Variants in RABEP1 observed in about 807,000 individuals in gnomAD.
The protein encoded by RABEP1 is rabaptin, RAB GTPase binding effector protein 1.
A neutral mutation model predicts 123.4 loss-of-function variants in RABEP1; 51 were observed. The observed-to-expected ratio is 0.41, with a 90% confidence interval of 0.33 to 0.52. The LOEUF (loss-of-function observed/expected upper bound fraction) is 0.52. RABEP1 is among the 20% of genes least tolerant of loss of function. RABEP1 has a pLI of 0.16. For missense variants in RABEP1, 888 were observed against 996.3 expected (o/e 0.89, Z 1.46); for synonymous variants, 347 against 355.2 (o/e 0.98, Z 0.26).
In RABEP1 at chr17:5,323,692, C is replaced by A. The variant is rs780229202; in HGVS notation, c.164-8257C>A. On this transcript the variant is annotated intron_variant, in intron 2 of 17. Transcript: ENST00000537505. ...TTTCATTGGTGATATATATATATAT[C>A]TCTCTCTAGGAATATATATATATAT... 1.9e-3 allele frequency among the ~76,000 whole-genome samples: 134 copies of A among 71,902 alleles called. 3 individuals carry two copies. The highest frequency in any genetic ancestry group is 6.0e-3 in the African/African-American group (75 of 12,420). The allele number at this position is 71,902 out of a possible 152,430, so 47.2% of individuals were successfully genotyped here.
intron 13 of RABEP1, among the ~76,000 whole-genome samples, chr17:5,375,099 CTT>C (rs529411322): frequency 6.4e-5 from 8 of 125,816 alleles, no homozygotes; most frequent in Non-Finnish European, 8.7e-5. Flanking sequence ...ATACCTGTTT[CTT>C]TTTTTTTTTT....
intron 14 of RABEP1, among the ~76,000 whole-genome samples, chr17:5,377,520 A>ATTTTTTTTTT (rs960634048): frequency 1.0e-5 from 1 of 99,822 alleles, no homozygotes; most frequent in African/African-American, 4.1e-5. Context: ...TATTTAAAAA[A>ATTTTTTTTTT]TTTTTTTTTT....
rs1338465550 is a variant in RABEP1, at chr17:5,282,583, G to T, written c.34+63G>T. 1.3e-5 allele frequency: 14 copies of T among 1,083,344 alleles called. No homozygotes were observed. The East Asian group carries it at 5.6e-4, about 43-fold the overall frequency. The allele number at this position is 1,083,344 out of a possible 1,614,324, so 67.1% of individuals were successfully genotyped here. On this transcript the variant is annotated intron_variant, in intron 1 of 17. Transcript: ENST00000537505. ...CTGCCCGGCGTCGGCGTCGCGGGAG[G>T]ATTTCGGGGCGGGCAGGCGGCGGCA...
chr17:5,325,732 C>T (rs543467298), intron 2 of RABEP1, among the ~76,000 whole-genome samples: 41 of 148,722 alleles, frequency 2.8e-4, no homozygotes, highest in South Asian at 8.5e-4. Context: ...AAAAAAAAAC[C>T]GACAAATATT....
At chr17:5,326,994 A>G (rs550578319) in intron 2 of RABEP1, among the ~76,000 whole-genome samples, 77 of 152,328 alleles carry the variant, frequency 5.1e-4, no homozygotes, top group African/African-American at 1.8e-3. Context: ...AAAGCTGTAC[A>G]GCACGTTACT....
intron 13 of RABEP1, among the ~76,000 whole-genome samples, chr17:5,374,846 A>T (rs1177683836): frequency 6.6e-6 from 1 of 152,064 alleles, no homozygotes; most frequent in African/African-American, 2.4e-5. Flanking sequence ...GTTTCACCAC[A>T]TTGGCTAGGC....
intron 13 of RABEP1, 93 bp from the exon 14 acceptor site, chr17:5,377,023 A>C: frequency 7.5e-7 from 1 of 1,336,636 alleles, no homozygotes; most frequent in Non-Finnish European, 1.0e-6. Context: ...AACCATTAAA[A>C]CAACATCTGA....
chr17:5,329,487 T>C (rs752829503), intron 2 of RABEP1, among the ~76,000 whole-genome samples: 1 of 152,098 alleles, frequency 6.6e-6, no homozygotes, highest in Non-Finnish European at 1.5e-5. Context: ...GCCAAGATCG[T>C]GCCACTGCAC....
intron 7 of RABEP1, among the ~76,000 whole-genome samples, chr17:5,351,062 A>T (rs908570112): frequency 1.3e-5 from 2 of 152,132 alleles, no homozygotes; most frequent in African/African-American, 4.8e-5. Flanking sequence ...CTCATCAGCT[A>T]TCGTTAGCGT....
chr17:5,298,773 A>G (rs2075106459), intron 1 of RABEP1, among the ~76,000 whole-genome samples: 1 of 151,138 alleles, frequency 6.6e-6, no homozygotes, highest in Non-Finnish European at 1.5e-5. Flanking sequence ...CTCCTGCCTC[A>G]GCCTTCTGAG....
At position 5,332,117 on chromosome 17, in the gene RABEP1, GAGA is replaced by G. The variant is rs1310669099; in HGVS notation, c.338_340del (p.Glu113del). 1.9e-6 allele frequency: 3 copies of G among 1,614,114 alleles called. No individual in the cohort carries two copies. The highest frequency in any genetic ancestry group is 1.1e-5 in the South Asian group (1 of 91,084). Reference sequence around the variant, plus strand: ...ATAGATGAAGTGAAAAGACAGTGGAGAGAAGAAGTTGCTTCACTTCAGGCTGTT... The same window carrying G: ...ATAGATGAAGTGAAAAGACAGTGGAGAGAAGTTGCTTCACTTCAGGCTGTT... On this transcript the variant is annotated inframe_deletion, in exon 3 of 18. Transcript: ENST00000537505.
At chr17:5,382,815 G>A (rs1254336593) in intron 17 of RABEP1, among the ~76,000 whole-genome samples, 1 of 152,000 alleles carries the variant, frequency 6.6e-6, no homozygotes, top group Non-Finnish European at 1.5e-5. Context: ...AGCTACTCGG[G>A]AGGCTGAGAC....
intron 12 of RABEP1, among the ~76,000 whole-genome samples, chr17:5,372,917 C>T (rs1910636193): frequency 6.6e-6 from 1 of 152,120 alleles, no homozygotes; most frequent in Non-Finnish European, 1.5e-5. Context: ...CCCGCTGTAC[C>T]CAGCTAACTT....
intron 1 of RABEP1, among the ~76,000 whole-genome samples, chr17:5,291,487 C>G (rs763138039): frequency 2.6e-4 from 39 of 152,288 alleles, no homozygotes; most frequent in Non-Finnish European, 4.7e-4. Context: ...ATTTTTATAT[C>G]TACAAATAAA....
chr17:5,345,141 A>G (rs1416477690), intron 5 of RABEP1, among the ~76,000 whole-genome samples: 4 of 152,210 alleles, frequency 2.6e-5, no homozygotes, highest in Non-Finnish European at 5.9e-5. Context: ...TAAGGGTTAT[A>G]GAGAAATTGG....
intron 2 of RABEP1, among the ~76,000 whole-genome samples, chr17:5,326,220 G>T (rs1006460350): frequency 6.6e-6 from 1 of 152,172 alleles, no homozygotes; most frequent in Non-Finnish European, 1.5e-5. Flanking sequence ...ATTCATAATT[G>T]TCACAACTTC....
intron 12 of RABEP1, among the ~76,000 whole-genome samples, chr17:5,372,173 G>A (rs538857418): frequency 5.9e-5 from 9 of 152,092 alleles, no homozygotes; most frequent in East Asian, 1.9e-4. Context: ...GGCTGGGTGC[G>A]GTGGCTCACG....
chr17:5,375,149 TCC>T (rs1910888296), intron 13 of RABEP1, among the ~76,000 whole-genome samples: 2 of 151,868 alleles, frequency 1.3e-5, no homozygotes, highest in South Asian at 4.2e-4. Flanking sequence ...AGTAGAAGTT[TCC>T]CCTAATTATA....
intron 1 of RABEP1, among the ~76,000 whole-genome samples, chr17:5,305,650 A>G (rs1329719263): frequency 6.6e-6 from 1 of 152,168 alleles, no homozygotes; most frequent in Admixed American, 6.6e-5. Flanking sequence ...GATTCCCCAG[A>G]GCCCTTTGTT....
Sources: allele counts gnomAD v4.1 joint callset (sites outside exome capture counted in the v4.1 genomes callset), GRCh38; gene constraint gnomAD v4.1.1; transcripts MANE v1.5; gene names NCBI Gene and HGNC (gene_info 2026-07-23, HGNC 2026-07-21).